Variants in THSD7A observed in about 807,000 individuals in gnomAD.
The protein encoded by THSD7A is thrombospondin type 1 domain containing 7A, also known as thrombospondin type-1 domain-containing protein 7A.
THSD7A carries 96 observed loss-of-function variants against 231.3 expected under a neutral mutation model. The ratio of observed to expected loss-of-function variants is 0.41; its 90% CI spans 0.35 to 0.49. THSD7A has a LOEUF of 0.49. THSD7A is among the 20% of genes least tolerant of loss of function. The probability of loss-of-function intolerance (pLI) is 0.05; values close to 1 mark genes in which losing one functional copy is unlikely to be tolerated. For synonymous variants in THSD7A, 940 were observed against 743.3 expected, an observed-to-expected ratio of 1.26 and a Z score of -4.30; for missense variants, 2,290 against 2,070.2, an observed-to-expected ratio of 1.11 and a Z score of -2.06.
At chr7:11,422,122 T>C (rs1461704252) in intron 16 of THSD7A, among the ~76,000 whole-genome samples, 2 of 152,186 alleles carry the variant, frequency 1.3e-5, no homozygotes, top group African/African-American at 4.8e-5. Context: ...GGTGTGGTAA[T>C]AAGACAGTGT....
At chr7:11,442,353 C>T (rs555746280) in intron 13 of THSD7A, among the ~76,000 whole-genome samples, 1 of 152,036 alleles carries the variant, frequency 6.6e-6, no homozygotes, top group African/African-American at 2.4e-5. Context: ...TGGTAAAAGT[C>T]AAACTGGTTT....
chr7:11,406,988 C>T lies in THSD7A; in HGVS notation c.3984G>A (p.Leu1328=). The T allele has an allele frequency of 1.2e-6, 2 of 1,613,878 alleles. No individual in the cohort carries two copies. The highest frequency in any genetic ancestry group is 1.3e-5 in the African/African-American group (1 of 75,046). ...FQGDGRPCPS[L]MDQSKPCPVK... is the part of the protein sequence containing the mutation. ...CTGGGCAGGGTTTGGACTGGTCCAT[C>T]AGGGAAGGGCATGGTCTTCCATCAC... Residue 1328 remains leucine (L), a synonymous_variant, in exon 21 of 28, where the codon CTG becomes CTA. Transcript: ENST00000423059. This position sits in a 1 kb window ranked among gnomAD's most constrained non-coding sequence, Gnocchi z 4.7.
intron 4 of THSD7A, among the ~76,000 whole-genome samples, chr7:11,561,001 C>T (rs1463749322): frequency 6.6e-6 from 1 of 152,084 alleles, no homozygotes; most frequent in African/African-American, 2.4e-5. Context: ...CTTATAAAAC[C>T]CATGAGGTAG....
intron 6 of THSD7A, among the ~76,000 whole-genome samples, chr7:11,514,045 T>A (rs1372813862): frequency 6.6e-6 from 1 of 152,092 alleles, no homozygotes; most frequent in African/African-American, 2.4e-5. Context: ...GTCTTTGCAC[T>A]GGTTCTTGCC....
At chr7:11,490,756 T>G (rs551647263) in intron 6 of THSD7A, among the ~76,000 whole-genome samples, 1 of 152,196 alleles carries the variant, frequency 6.6e-6, no homozygotes, top group Non-Finnish European at 1.5e-5. Flanking sequence ...CCACATTTAG[T>G]TTTTTAGTAA....
chr7:11,414,649 C>G (rs1783899033), intron 17 of THSD7A, among the ~76,000 whole-genome samples: 1 of 152,164 alleles, frequency 6.6e-6, no homozygotes, highest in Non-Finnish European at 1.5e-5. Flanking sequence ...ACTGGCTTGC[C>G]ATTCATCTAC....
Position 11,814,208 on chromosome 7 carries a change from T to C in THSD7A, c.190+17549A>G, listed in dbSNP as rs1209035784. ...TTCTTGAATTGATTGTGGTAATGGA[T>C]GCACAAGTCTGTGGATATGCTAAAA... On this transcript the variant is annotated intron_variant, in intron 1 of 27. Transcript: ENST00000423059. The surrounding 1 kb of genome is among the most constrained non-coding windows in gnomAD (Gnocchi z 5.1). Among the ~76,000 whole-genome samples the C allele has an allele frequency of 6.6e-6, 1 of 152,154 alleles. No homozygotes were observed. The highest frequency in any genetic ancestry group is 6.5e-5 in the Admixed American group (1 of 15,270).
At chr7:11,684,723 A>G (rs1779974628) in intron 1 of THSD7A, among the ~76,000 whole-genome samples, 1 of 152,044 alleles carries the variant, frequency 6.6e-6, no homozygotes, top group Non-Finnish European at 1.5e-5. Flanking sequence ...GCTGAAACAA[A>G]TAGATGACAT....
chr7:11,509,470 C>G (rs1008226014), intron 6 of THSD7A, among the ~76,000 whole-genome samples: 14 of 152,014 alleles, frequency 9.2e-5, no homozygotes, highest in African/African-American at 3.1e-4. Flanking sequence ...GCTGCTTTTT[C>G]TATGTATGTA....
intron 1 of THSD7A, among the ~76,000 whole-genome samples, chr7:11,786,571 G>T (rs1783799544): frequency 6.8e-6 from 1 of 147,718 alleles, no homozygotes; most frequent in African/African-American, 2.7e-5. Flanking sequence ...AAGCACTTGA[G>T]ACTTTGATAT....
chr7:11,749,766 A>G (rs1298494002), intron 1 of THSD7A, among the ~76,000 whole-genome samples: 4 of 152,104 alleles, frequency 2.6e-5, no homozygotes, highest in East Asian at 1.9e-4. Flanking sequence ...GCCAATCACA[A>G]TGTAAATTTT....
intron 13 of THSD7A, among the ~76,000 whole-genome samples, chr7:11,434,668 CTTAA>C (rs1784577040): frequency 6.6e-6 from 1 of 151,958 alleles, no homozygotes; most frequent in Admixed American, 6.6e-5. Context: ...ATCTCTTCTA[CTTAA>C]TTGTGTATTA....
At chr7:11,502,923 T>A (rs1035518394) in intron 6 of THSD7A, among the ~76,000 whole-genome samples, 6 of 152,118 alleles carry the variant, frequency 3.9e-5, no homozygotes, top group African/African-American at 1.2e-4. Context: ...AATCCATCAA[T>A]AACATTCTTG....
At chr7:11,773,915 C>T (rs1783318103) in intron 1 of THSD7A, among the ~76,000 whole-genome samples, 1 of 152,026 alleles carries the variant, frequency 6.6e-6, no homozygotes, top group African/African-American at 2.4e-5. Context: ...CATGAAGAGA[C>T]AATTTACAGA....
intron 6 of THSD7A, among the ~76,000 whole-genome samples, chr7:11,489,546 C>A (rs974099047): frequency 2.6e-5 from 4 of 152,078 alleles, no homozygotes; most frequent in Non-Finnish European, 5.9e-5. Flanking sequence ...AAATAGTGCT[C>A]TGAGCTCCCA....
intron 24 of THSD7A, among the ~76,000 whole-genome samples, chr7:11,380,237 A>T (rs939237720): frequency 6.6e-6 from 1 of 152,186 alleles, no homozygotes; most frequent in African/African-American, 2.4e-5. Flanking sequence ...GAAGAAAACA[A>T]ATGTATCTAC....
Position 11,417,444 on chromosome 7 carries a change from T to C in THSD7A, c.3537+6A>G. On this transcript the variant is annotated splice_donor_region_variant and intron_variant, in intron 17 of 27. Coordinates refer to ENST00000423059, the MANE Select transcript of THSD7A (RefSeq NM_015204.3). ...TCTACATTAATAAAAAGGTTAATCA[T>C]CTCACCAAAACACATTGGGTCCATG... 2 of 1,574,332 alleles carry C rather than the reference T, an allele frequency of 1.3e-6. No individual in the cohort carries two copies. The highest frequency in any genetic ancestry group is 2.3e-5 in the East Asian group (1 of 43,850).
chr7:11,500,637 G>A (rs1787292624), intron 6 of THSD7A, among the ~76,000 whole-genome samples: 1 of 151,620 alleles, frequency 6.6e-6, no homozygotes, highest in African/African-American at 2.4e-5. Context: ...CCAAGCAAAT[G>A]GAAAAAAGAA....
At chr7:11,775,159 C>T (rs1276334853) in intron 1 of THSD7A, among the ~76,000 whole-genome samples, 1 of 152,092 alleles carries the variant, frequency 6.6e-6, no homozygotes. Flanking sequence ...AATCAACACC[C>T]TCAGTTTGAT....
Sources: gnomAD v4.1 joint callset for allele counts (sites outside exome capture counted in the v4.1 genomes callset) on GRCh38, gnomAD v4.1.1 for gene constraint, Gnocchi (gnomAD v3.1) non-coding constraint, MANE v1.5 for transcripts, NCBI Gene and HGNC (gene_info 2026-07-23, HGNC 2026-07-21) for gene names.